The following CORO1A variants were observed in gnomAD, a reference collection of about 807,000 sequenced individuals.
CORO1A encodes coronin 1A.
A neutral mutation model predicts 44.1 loss-of-function variants in CORO1A; 17 were observed. The observed-to-expected ratio is 0.39, with a 90% CI of 0.26 to 0.58. The LOEUF is 0.58. Ranked by LOEUF, CORO1A falls within the 20% of genes least tolerant of loss-of-function variation. CORO1A has a pLI of 0.62. For synonymous variants in CORO1A, 271 were observed against 244.2 expected, an observed-to-expected ratio of 1.11 and a Z score of -1.02; for missense variants, 415 against 606.5, an observed-to-expected ratio of 0.68 and a Z score of 3.32.
In CORO1A at chr16:30,186,593, T is replaced by C; in HGVS notation, c.199-5T>C. 6.2e-7 allele frequency: 1 copy of C among 1,612,254 alleles called. No individual in the cohort carries two copies. Among genetic ancestry groups the C allele is most frequent in the South Asian group, 1.1e-5 (1 of 90,994 alleles). ...AGCACCTCCAAGGCCCTGCTGTGCC[T>C]TTAGACTGGACGTGTGGACAAGAAT... On this transcript the variant is annotated splice_region_variant and splice_polypyrimidine_tract_variant and intron_variant, in intron 2 of 10. Transcript: ENST00000219150.
At chr16:30,186,451 CA>C in intron 2 of CORO1A, 146 bp from the exon 3 acceptor site, 2 of 949,514 alleles carry the variant, frequency 2.1e-6, no homozygotes, top group Non-Finnish European at 3.3e-6. Context: ...AAGAGAAGAA[CA>C]ACCCGCCCCC....
chr16:30,187,068 G>A lies in CORO1A; in HGVS notation c.481G>A (p.Val161Met), dbSNP rs1311216868. ...TGACAACGTGATCATGGTGTGGGAC[G>A]TGGGCACTGGGGCGGCCATGCTGAC... The part of the protein sequence containing the change: ...GCDNVIMVWD[V>M]GTGAAMLTLG... Residue 161 changes from valine to methionine, a missense_variant, in exon 5 of 11, where the codon GTG becomes ATG. Coordinates refer to ENST00000219150, the MANE Select transcript of CORO1A (RefSeq NM_007074.4). 5.6e-6 allele frequency: 9 copies of A among 1,614,084 alleles called. No individual in the cohort carries two copies. Among genetic ancestry groups the A allele is most frequent in the South Asian group, 4.4e-5 (4 of 91,080 alleles).
At chr16:30,185,855 C>T (rs1596916828) in intron 2 of CORO1A, 1 of 235,270 alleles carries the variant, frequency 4.3e-6, no homozygotes, top group African/African-American at 2.3e-5. Context: ...CCCCCACCCG[C>T]AGCCCTGCCC....
chr16:30,188,874 G>C lies in CORO1A; in HGVS notation c.1296G>C (p.Arg432=). 1 of 369,914 alleles carries C rather than the reference G, an allele frequency of 2.7e-6. No individual in the cohort carries two copies. The highest frequency in any genetic ancestry group is 4.6e-6 in the Non-Finnish European group (1 of 216,014). 22.9% of individuals were successfully genotyped at this position (369,914 alleles called of 1,614,324 possible). Reference sequence around the variant, plus strand: ...CGGGTCCCCAGGATGCCGTGTCTCGGCTGGAGGAGGAGATGCGGAAGCTCC... The same window carrying C: ...CGGGTCCCCAGGATGCCGTGTCTCGCCTGGAGGAGGAGATGCGGAAGCTCC... ...SGTPSSDAVS[R]LEEEMRKLQA... The change falls in exon 11 of 11, where the codon CGG becomes CGC. Residue 432 remains arginine, a synonymous_variant. Transcript: ENST00000219150.
chr16:30,186,539 G>C, intron 2 of CORO1A, 59 bp from the exon 3 acceptor site: 1 of 1,605,100 alleles, frequency 6.2e-7, no homozygotes, highest in South Asian at 1.1e-5. Flanking sequence ...AGGAGGTGTG[G>C]GGAGGTTGGA....
intron 8 of CORO1A, 46 bp downstream of exon 8, chr16:30,188,133 G>A (rs2073365550): frequency 6.2e-7 from 1 of 1,613,546 alleles, no homozygotes; most frequent in Admixed American, 1.7e-5. Flanking sequence ...TTGGGCAGTG[G>A]GCAGTCCCAA....
At chr16:30,185,531 G>A (rs1205073348) in intron 2 of CORO1A, 124 bp downstream of exon 2, 3 of 820,482 alleles carry the variant, frequency 3.7e-6, no homozygotes, top group Admixed American at 4.9e-5. Context: ...AAACTGAGCT[G>A]GGCCCCATGA....
chr16:30,188,715 G>T, intron 10 of CORO1A, 139 bp downstream of exon 10: 1 of 684,838 alleles, frequency 1.5e-6, no homozygotes, highest in Non-Finnish European at 2.4e-6. Flanking sequence ...ACAGGTTTCA[G>T]ATTGATAGGC....
Position 30,187,986 on chromosome 16 carries a change from T to G in CORO1A, c.906T>G (p.Pro302=). ...IRYFEITSEA[P]FLHYLSMFSS... ...ACTTTGAGATCACTTCCGAGGCCCCTTTCCTGCACTATCTCTCCATGTTCA... is the reference window on the plus strand; with the variant it reads ...ACTTTGAGATCACTTCCGAGGCCCCGTTCCTGCACTATCTCTCCATGTTCA... Residue 302 remains proline, a synonymous_variant, in exon 8 of 11, where the codon CCT becomes CCG. Coordinates refer to ENST00000219150, the MANE Select transcript of CORO1A (RefSeq NM_007074.4). 6.2e-7 allele frequency: 1 copy of G among 1,614,104 alleles called. No homozygotes were observed.
chr16:30,188,310 G>C (rs753300045), intron 9 of CORO1A, 51 bp from the exon 10 acceptor site: 2 of 1,611,914 alleles, frequency 1.2e-6, no homozygotes, highest in Non-Finnish European at 1.7e-6. Flanking sequence ...GGTCTTGTGG[G>C]GGGTGTCCTG....
At chr16:30,188,131 T>C (rs2073365481) in intron 8 of CORO1A, 44 bp downstream of exon 8, 1 of 1,613,636 alleles carries the variant, frequency 6.2e-7, no homozygotes, top group Admixed American at 1.7e-5. Context: ...CCTTGGGCAG[T>C]GGGCAGTCCC....
In CORO1A at chr16:30,188,550, C is replaced by A. The variant is rs746385737; in HGVS notation, c.1255C>A (p.Pro419Thr). Residue 419 changes from proline (P) to threonine (T), a missense_variant, in exon 10 of 11, where the codon CCA becomes ACA. By Grantham distance (38) the Pro-to-Thr change is conservative (BLOSUM62 -1). Transcript: ENST00000219150. ...GGACACCGGGCGCAGGAGGGCAGCA[C>A]CAGAGGCCAGTGGCACTCCCAGCTC... ...GLDTGRRRAA[P>T]EASGTPSSDA... 1.2e-6 allele frequency: 2 copies of A among 1,609,638 alleles called. No homozygotes were observed. Among genetic ancestry groups the A allele is most frequent in the South Asian group, 2.2e-5 (2 of 90,834 alleles).
chr16:30,187,353 C>T, intron 5 of CORO1A, 29 bp from the exon 6 acceptor site: 1 of 1,608,800 alleles, frequency 6.2e-7, no homozygotes, highest in South Asian at 1.1e-5. Flanking sequence ...TGTACGGGTG[C>T]CTGACCTACC....
Position 30,185,396 on chromosome 16 carries a change from C to T in CORO1A, c.187C>T (p.Pro63Ser), listed in dbSNP as rs1330888346. 4 of 1,613,354 alleles carry T rather than the reference C, an allele frequency of 2.5e-6. No individual in the cohort carries two copies. The highest frequency in any genetic ancestry group is 3.4e-6 in the Non-Finnish European group (4 of 1,179,970). ...CGGGGGAGGGGCCTTCCTGGTGCTGCCCCTGGGCAAGGTGAGCCCCTGGGG... is the reference window on the plus strand; with the variant it reads ...CGGGGGAGGGGCCTTCCTGGTGCTGTCCCTGGGCAAGGTGAGCCCCTGGGG... ...ASGGGAFLVLPLGKTGRVDKN... is the reference protein window; with the variant it reads ...ASGGGAFLVLSLGKTGRVDKN... Residue 63 changes from proline to serine, a missense_variant, in exon 2 of 11, where the codon CCC becomes TCC. Physicochemically the swap from Pro to Ser is moderately conservative, Grantham distance 74. Around this residue, in one of 2 missense-constraint regions of CORO1A, gnomAD observed 325 missense variants for 521.7 expected, o/e 0.62. Coordinates refer to ENST00000219150, the MANE Select transcript of CORO1A (RefSeq NM_007074.4).
At position 30,186,735 on chromosome 16, in the gene CORO1A, G is replaced by T. The variant is rs535662377; in HGVS notation, c.321+15G>T. On this transcript the variant is annotated intron_variant, in intron 3 of 10. Coordinates refer to ENST00000219150, the MANE Select transcript of CORO1A (RefSeq NM_007074.4). ...GCACAGTCATGGTGAGTGGTGGTGG[G>T]GACCCAGGGGCTGGGAGAGGGGCTC... is the stretch of plus-strand genomic sequence containing the variant. The T allele has an allele frequency of 6.1e-5, 99 of 1,611,026 alleles. 1 individual carries two copies. In the East Asian group the frequency reaches 1.9e-3, roughly 32 times the overall value.
intron 2 of CORO1A, 149 bp downstream of exon 2, chr16:30,185,556 C>G (rs2073324347): frequency 1.5e-6 from 1 of 668,104 alleles, no homozygotes; most frequent in African/African-American, 1.8e-5. Context: ...TACACTTCCT[C>G]CAGCTCCTCT....
At position 30,188,218 on chromosome 16, in the gene CORO1A, G is replaced by A. The variant is rs1447747614; in HGVS notation, c.1034G>A (p.Cys345Tyr). The A allele has an allele frequency of 6.2e-7, 1 of 1,614,036 alleles. No homozygotes were observed. The highest frequency in any genetic ancestry group is 1.3e-5 in the African/African-American group (1 of 74,944). Residue 345 changes from cysteine (C) to tyrosine (Y), a missense_variant, in exon 9 of 11, where the codon TGT becomes TAT. Coordinates refer to ENST00000219150, the MANE Select transcript of CORO1A (RefSeq NM_007074.4). ...ARFYKLHERR[C>Y]EPIAMTVPRK... ...TTCTACAAGCTGCACGAGCGGAGGTGTGAGCCCATTGCCATGACAGTGCCT... is the reference window on the plus strand; with the variant it reads ...TTCTACAAGCTGCACGAGCGGAGGTATGAGCCCATTGCCATGACAGTGCCT...
intron 6 of CORO1A, 101 bp from the exon 7 acceptor site, chr16:30,187,624 G>C (rs893581339): frequency 6.7e-7 from 1 of 1,491,600 alleles, no homozygotes. Context: ...GGCGTGAGAT[G>C]GTTGTTCCCA....
chr16:30,186,526 TGAA>T lies in CORO1A; in HGVS notation c.199-70_199-68del, dbSNP rs1262021481. ...CACAGCTTTCCTCTCTGGGCCTCTC[TGAA>T]GGAGGTGTGGGGAGGTTGGATTGGG... On this transcript the variant is annotated intron_variant, in intron 2 of 10. Coordinates refer to ENST00000219150, the MANE Select transcript of CORO1A (RefSeq NM_007074.4). 6.3e-6 allele frequency: 10 copies of T among 1,588,522 alleles called. No individual in the cohort carries two copies. In the East Asian group the frequency reaches 2.0e-4, roughly 32 times the overall value.
Sources: gnomAD v4.1 joint callset for allele counts on GRCh38, gnomAD v4.1.1 for gene constraint, gnomAD v4.1.1 regional missense constraint, MANE v1.5 for transcripts, NCBI Gene and HGNC (gene_info 2026-07-23, HGNC 2026-07-21) for gene names.